The following ASXL3 variants were observed in gnomAD, a reference collection of about 807,000 sequenced individuals.
ASXL3 encodes putative Polycomb group protein ASXL3.
Under a neutral mutation model 170.6 loss-of-function variants are expected in ASXL3, and 34 were observed. That is an observed-to-expected ratio of 0.20 (90% CI 0.15 to 0.27). ASXL3 has a LOEUF of 0.27. ASXL3 is among the 10% of genes least tolerant of loss of function. The pLI, the probability that ASXL3 is intolerant of heterozygous loss-of-function variation, is 1.00. For synonymous variants in ASXL3, 1,002 were observed against 989.1 expected, an observed-to-expected ratio of 1.01 and a Z score of -0.24; for missense variants, 2,592 against 2,695.3, an observed-to-expected ratio of 0.96 and a Z score of 0.85.
intron 2 of ASXL3, among the ~76,000 whole-genome samples, chr18:33,640,031 C>CTTTGAAATGTGACCCGTCTCTTA (rs1389278189): frequency 6.6e-6 from 1 of 151,982 alleles, no homozygotes; most frequent in African/African-American, 2.4e-5. Context: ...AAATATCTTC[C>CTTTGAAATGTGACCCGTCTCTTA]TTTGAAATGT....
chr18:33,727,131 T>A (rs1282487369), intron 8 of ASXL3, among the ~76,000 whole-genome samples: 1 of 152,128 alleles, frequency 6.6e-6, no homozygotes, highest in Admixed American at 6.6e-5. Flanking sequence ...TTACTTTGAA[T>A]GACTCCTCGT....
intron 8 of ASXL3, among the ~76,000 whole-genome samples, chr18:33,713,325 G>C: frequency 1.3e-5 from 1 of 78,694 alleles, no homozygotes; most frequent in African/African-American, 5.9e-5. Context: ...CACAATCTTG[G>C]CTCACTGCAA....
intron 2 of ASXL3, among the ~76,000 whole-genome samples, chr18:33,625,242 C>T (rs111438957): frequency 9.9e-5 from 15 of 152,158 alleles, no homozygotes; most frequent in African/African-American, 3.6e-4. Context: ...GTTTGCACGT[C>T]CTGTATGATT....
intron 9 of ASXL3, among the ~76,000 whole-genome samples, chr18:33,733,555 T>G (rs1385817947): frequency 1.3e-5 from 2 of 152,178 alleles, no homozygotes; most frequent in Admixed American, 1.3e-4. Context: ...CTCCAATTAC[T>G]TCACTCTGTT....
intron 7 of ASXL3, 96 bp from the exon 8 acceptor site, chr18:33,683,309 A>C: frequency 9.4e-7 from 1 of 1,061,498 alleles, no homozygotes; most frequent in South Asian, 2.1e-5. Context: ...TTGAATATAC[A>C]TGTTCACTAG....
intron 8 of ASXL3, among the ~76,000 whole-genome samples, chr18:33,723,902 C>T (rs898950636): frequency 5.3e-5 from 8 of 152,108 alleles, no homozygotes; most frequent in African/African-American, 1.9e-4. Context: ...ATGCAAGACC[C>T]TCCGTCAGCA....
chr18:33,700,079 C>T (rs1262779219), intron 8 of ASXL3, among the ~76,000 whole-genome samples: 1 of 151,874 alleles, frequency 6.6e-6, no homozygotes, highest in Non-Finnish European at 1.5e-5. Flanking sequence ...GTAAATTTGC[C>T]TGAAAGTGGA....
chr18:33,578,838 G>C, intron 1 of ASXL3, 153 bp downstream of exon 1: 1 of 378,378 alleles, frequency 2.6e-6, no homozygotes. Context: ...GAGTGGGCTC[G>C]CCCGGGGGCC....
rs2067851382 is a variant in ASXL3, at chr18:33,749,519, C to T, written c.*2924C>T. The T allele has an allele frequency of 6.6e-6, 1 of 151,730 alleles. No individual in the cohort carries two copies. Among genetic ancestry groups the T allele is most frequent in the East Asian group, 1.9e-4 (1 of 5,182 alleles). 9.4% of individuals were successfully genotyped at this position (151,730 alleles called of 1,614,324 possible). A position where few individuals can be genotyped will look rare whatever the true frequency, so the allele number is the denominator to read the frequency against. ...AGGGGAAGGAAGAAAACTGCTATTC[C>T]CTAATCCTCCTCCTATAAGATATGC... On this transcript the variant is annotated 3_prime_UTR_variant, in exon 12 of 12. Transcript: ENST00000269197.
At position 33,743,882 on chromosome 18, in the gene ASXL3, C is replaced by T. The variant is rs1381899666; in HGVS notation, c.4034C>T (p.Ser1345Phe). Reference sequence around the variant, plus strand: ...CAGTACACCTCTGTGCCAACTCCCTCCATCGGAAACAATTTGCCAAACCTC... The same window carrying T: ...CAGTACACCTCTGTGCCAACTCCCTTCATCGGAAACAATTTGCCAAACCTC... ...STQYTSVPTP[S>F]IGNNLPNLST... is the part of the protein sequence containing the mutation. The change falls in exon 12 of 12, where the codon TCC becomes TTC. Residue 1345 changes from serine to phenylalanine, a missense_variant. This residue lies in a region of ASXL3 where 2,246 missense variants were observed against 2,219.6 expected (regional missense o/e 1.01). Coordinates refer to ENST00000269197, the MANE Select transcript of ASXL3 (RefSeq NM_030632.3). 18 of 1,614,032 alleles carry T rather than the reference C, an allele frequency of 1.1e-5. No homozygotes were observed. Among genetic ancestry groups the T allele is most frequent in the Middle Eastern group, 1.6e-4 (1 of 6,062 alleles).
intron 8 of ASXL3, among the ~76,000 whole-genome samples, chr18:33,695,393 T>C (rs1370136603): frequency 6.6e-6 from 1 of 152,160 alleles, no homozygotes; most frequent in Non-Finnish European, 1.5e-5. Context: ...AGAGATATTC[T>C]GGCCAATCAT....
chr18:33,718,424 C>T (rs2145365975), intron 8 of ASXL3, among the ~76,000 whole-genome samples: 1 of 152,248 alleles, frequency 6.6e-6, no homozygotes, highest in East Asian at 1.9e-4. Flanking sequence ...ACAAATCTAT[C>T]AGCTTAAAGT....
chr18:33,580,384 G>A lies in ASXL3; in HGVS notation c.54+1699G>A, dbSNP rs567856580. On this transcript the variant is annotated intron_variant, in intron 1 of 11. Coordinates refer to ENST00000269197, the MANE Select transcript of ASXL3 (RefSeq NM_030632.3). ...TTCAGAATTGTGTGGGGATGTGCAAGGCTTCTGAAAATGCATTATTCAGGT... is the reference window on the plus strand; with the variant it reads ...TTCAGAATTGTGTGGGGATGTGCAAAGCTTCTGAAAATGCATTATTCAGGT... 6.6e-5 allele frequency among the ~76,000 whole-genome samples: 10 copies of A among 152,180 alleles called. No individual in the cohort carries two copies. The South Asian group carries it at 1.0e-3, about 16-fold the overall frequency.
At chr18:33,611,314 T>C (rs2065333822) in intron 2 of ASXL3, among the ~76,000 whole-genome samples, 1 of 152,076 alleles carries the variant, frequency 6.6e-6, no homozygotes, top group African/African-American at 2.4e-5. Flanking sequence ...GTGGTTTTGT[T>C]GAAAAAAAAT....
intron 8 of ASXL3, among the ~76,000 whole-genome samples, chr18:33,702,146 T>C (rs1490245147): frequency 6.6e-6 from 1 of 152,212 alleles, no homozygotes; most frequent in Non-Finnish European, 1.5e-5. Context: ...TTACTTTAGA[T>C]ATTTAAAGAT....
intron 5 of ASXL3, among the ~76,000 whole-genome samples, chr18:33,665,974 T>C (rs2066249536): frequency 6.6e-6 from 1 of 152,210 alleles, no homozygotes; most frequent in Admixed American, 6.5e-5. Flanking sequence ...TGTAAATTTC[T>C]TTCATATTGA....
At chr18:33,740,703 A>G (rs1156768547) in intron 11 of ASXL3, among the ~76,000 whole-genome samples, 1 of 152,196 alleles carries the variant, frequency 6.6e-6, no homozygotes, top group Non-Finnish European at 1.5e-5. Context: ...TCTCCAGGCC[A>G]CTGAGACACC....
At chr18:33,586,172 A>G (rs753966910) in intron 1 of ASXL3, among the ~76,000 whole-genome samples, 5 of 152,002 alleles carry the variant, frequency 3.3e-5, no homozygotes, top group Admixed American at 6.6e-5. Context: ...TCGGTCATAG[A>G]GAGTCATGAT....
chr18:33,729,586 T>G (rs2067409406), intron 8 of ASXL3, among the ~76,000 whole-genome samples: 1 of 152,100 alleles, frequency 6.6e-6, no homozygotes, highest in Non-Finnish European at 1.5e-5. Context: ...TTTAACTCTT[T>G]AAAAAGTAAC....
Sources: allele counts gnomAD v4.1 joint callset (sites outside exome capture counted in the v4.1 genomes callset), GRCh38; gene constraint gnomAD v4.1.1; regional missense constraint gnomAD v4.1.1; transcripts MANE v1.5; gene names NCBI Gene and HGNC (gene_info 2026-07-23, HGNC 2026-07-21).